The following DRC3 variants were observed in gnomAD, a reference collection of about 807,000 sequenced individuals.
DRC3 encodes dynein regulatory complex subunit 3.
Under a neutral mutation model 57.6 loss-of-function variants are expected in DRC3, and 45 were observed. The ratio of observed to expected loss-of-function variants is 0.78; its 90% CI spans 0.62 to 1.00. The LOEUF (loss-of-function observed/expected upper bound fraction) is 1.00, where lower values mean the gene tolerates loss of function less well. Among genes scored for constraint, DRC3 ranks in the 50% least tolerant of loss-of-function variants. The pLI, the probability that DRC3 is intolerant of heterozygous loss-of-function variation, is 0.00. For missense variants in DRC3, 655 were observed against 675.2 expected, an observed-to-expected ratio of 0.97 and a Z score of 0.33; for synonymous variants, 257 against 272.3, an observed-to-expected ratio of 0.94 and a Z score of 0.55.
At chr17:17,985,020 G>A (rs144047485) in intron 4 of DRC3, among the ~76,000 whole-genome samples, 2 of 152,266 alleles carry the variant, frequency 1.3e-5, no homozygotes, top group African/African-American at 2.4e-5. Context: ...CCTGGGCCCA[G>A]GTCTCTTGTC....
intron 12 of DRC3, 34 bp from the exon 13 acceptor site, chr17:18,016,030 C>G (rs2044348990): frequency 1.9e-6 from 3 of 1,610,054 alleles, no homozygotes; most frequent in Non-Finnish European, 2.5e-6. Context: ...TATAATGACA[C>G]ACACTTTCTC....
intron 11 of DRC3, 115 bp from the exon 12 acceptor site, chr17:18,006,909 A>C: frequency 6.7e-7 from 1 of 1,486,910 alleles, no homozygotes; most frequent in Non-Finnish European, 9.0e-7. Context: ...CGGTGCTGCC[A>C]GCCAGAATTT....
chr17:18,016,835 G>A lies in DRC3; in HGVS notation c.*164G>A. 7 of 459,432 alleles carry A rather than the reference G, an allele frequency of 1.5e-5. No homozygotes were observed. The highest frequency in any genetic ancestry group is 3.3e-5 in the South Asian group (1 of 30,020). 28.5% of individuals were successfully genotyped at this position (459,432 alleles called of 1,614,324 possible). ...ACCCCTGGAAAAACTTCCAAAAGTAGAGAAAATAAAGGACTCATTTCACAT... is the reference window on the plus strand; with the variant it reads ...ACCCCTGGAAAAACTTCCAAAAGTAAAGAAAATAAAGGACTCATTTCACAT... On this transcript the variant is annotated 3_prime_UTR_variant, in exon 14 of 14. Transcript: ENST00000399187.
rs1161202087 is a variant in DRC3, at chr17:18,008,746, C to T, written c.1326+1599C>T. On this transcript the variant is annotated intron_variant, in intron 12 of 13. Coordinates refer to ENST00000399187, the MANE Select transcript of DRC3 (RefSeq NM_031294.4). The surrounding 1 kb of genome is among the most constrained non-coding windows in gnomAD (Gnocchi z 4.3). ...CCAGACACAGGAAAACACCACCTTC[C>T]CTGTGAAGTAAGGCTGTCCCTGAGT... 6.6e-6 allele frequency among the ~76,000 whole-genome samples: 1 copy of T among 152,234 alleles called. No individual in the cohort carries two copies. Among genetic ancestry groups the T allele is most frequent in the Non-Finnish European group, 1.5e-5 (1 of 68,044 alleles).
intron 3 of DRC3, among the ~76,000 whole-genome samples, chr17:17,979,653 T>C (rs2042559061): frequency 6.6e-6 from 1 of 152,196 alleles, no homozygotes; most frequent in Non-Finnish European, 1.5e-5. Flanking sequence ...AAAGCCGGCA[T>C]GCTGGCGTGT....
At chr17:18,011,365 C>G (rs1271128428) in intron 12 of DRC3, 1 of 333,704 alleles carries the variant, frequency 3.0e-6, no homozygotes, top group Non-Finnish European at 5.8e-6. Flanking sequence ...CCGTGTCACT[C>G]TGGGTGTTAA....
Position 17,977,628 on chromosome 17 carries a change from G to C in DRC3, c.30G>C (p.Pro10=). Residue 10 remains proline (P), a synonymous_variant, in exon 3 of 14, where the codon CCG becomes CCC. Coordinates refer to ENST00000399187, the MANE Select transcript of DRC3 (RefSeq NM_031294.4). The part of the protein sequence containing the change: MNQPCNSME[P]RVMDDDMLKL... ...ACCAGCCGTGCAACTCGATGGAGCC[G>C]AGGGTGATGGACGATGACATGCTCA... The C allele has an allele frequency of 6.2e-7, 1 of 1,613,990 alleles. No homozygotes were observed. Among genetic ancestry groups the C allele is most frequent in the Non-Finnish European group, 8.5e-7 (1 of 1,179,892 alleles).
At chr17:17,984,556 AG>A (rs2042869992) in intron 4 of DRC3, among the ~76,000 whole-genome samples, 1 of 152,146 alleles carries the variant, frequency 6.6e-6, no homozygotes, top group Non-Finnish European at 1.5e-5. Flanking sequence ...ATGGGTCCCT[AG>A]CAGGGAGAAG....
chr17:18,005,941 A>G (rs1001786352), intron 10 of DRC3: 2 of 510,372 alleles, frequency 3.9e-6, no homozygotes, highest in Non-Finnish European at 7.1e-6. Context: ...TGTTCCTGGC[A>G]AAGTTCCGGT....
intron 8 of DRC3, among the ~76,000 whole-genome samples, chr17:17,996,763 G>A (rs1418448174): frequency 1.3e-5 from 2 of 152,220 alleles, no homozygotes; most frequent in Non-Finnish European, 1.5e-5. Flanking sequence ...CTGTAGCCCT[G>A]TGTAGCCGTG....
rs374298561 is a variant in DRC3 at position 17,988,012 on chromosome 17, C to G, written c.358C>G (p.Arg120Gly). The change falls in exon 5 of 14, where the codon CGG (arginine) becomes GGG (glycine). Residue 120 changes from arginine to glycine, a missense_variant. Arg to Gly is a moderately radical substitution (Grantham distance 125). Transcript: ENST00000399187. ...NLEDLSLFNN[R>G]ISKIDSLDAL... The stretch of plus-strand genomic sequence containing the variant: ...GGAGGACCTGAGCTTGTTCAACAAC[C>G]GGATCTCCAAGATCGACTCCCTGGA... 1 of 1,614,012 alleles carries G rather than the reference C, an allele frequency of 6.2e-7. No individual in the cohort carries two copies. Among genetic ancestry groups the G allele is most frequent in the African/African-American group, 1.3e-5 (1 of 75,034 alleles).
chr17:18,007,297 C>A, intron 12 of DRC3, 150 bp downstream of exon 12: 1 of 1,220,870 alleles, frequency 8.2e-7, no homozygotes, highest in Non-Finnish European at 1.2e-6. Flanking sequence ...TACAGGGTTG[C>A]TGGCAGATAA....
Position 18,004,500 on chromosome 17 carries a change from G to A in DRC3, c.1131+6G>A. The A allele has an allele frequency of 6.2e-7, 1 of 1,608,658 alleles. No individual in the cohort carries two copies. Among genetic ancestry groups the A allele is most frequent in the South Asian group, 1.1e-5 (1 of 89,666 alleles). The stretch of plus-strand genomic sequence containing the variant: ...AGCTGGTGGAGCAGCTGGAGGTAAG[G>A]CTGGGCCCTGGGCACAAGTGCCAGA... On this transcript the variant is annotated splice_donor_region_variant and intron_variant, in intron 10 of 13. Coordinates refer to ENST00000399187, the MANE Select transcript of DRC3 (RefSeq NM_031294.4).
intron 2 of DRC3, 97 bp from the exon 3 acceptor site, chr17:17,977,485 A>T (rs1376164779): frequency 1.5e-5 from 20 of 1,360,070 alleles, no homozygotes; most frequent in Non-Finnish European, 2.1e-5. Context: ...TCAGAGTGCC[A>T]GTGGCCACAA....
rs754925749 is a variant in DRC3 at position 17,977,664 on chromosome 17, C to T, written c.66C>T (p.Val22=). 7 of 1,613,806 alleles carry T rather than the reference C, an allele frequency of 4.3e-6. No individual in the cohort carries two copies. The highest frequency in any genetic ancestry group is 4.5e-5 in the East Asian group (2 of 44,884). ...ACGATGACATGCTCAAGCTGGCCGT[C>T]GGGGACCAGGGCCCCCAGGAGGAGG... The part of the protein sequence containing the change: ...VMDDDMLKLA[V]GDQGPQEEAG... Residue 22 remains valine (V), a synonymous_variant, in exon 3 of 14, where the codon GTC becomes GTT. Transcript: ENST00000399187.
At chr17:18,001,750 G>C (rs990787297) in intron 9 of DRC3, among the ~76,000 whole-genome samples, 2 of 152,082 alleles carry the variant, frequency 1.3e-5, no homozygotes, top group Admixed American at 1.3e-4. Flanking sequence ...GGGCAACATA[G>C]TAAGACCCCA....
intron 12 of DRC3, among the ~76,000 whole-genome samples, chr17:18,013,969 G>A (rs2044262966): frequency 8.1e-6 from 1 of 124,128 alleles, no homozygotes; most frequent in Non-Finnish European, 1.7e-5. Context: ...TTTCACTGTT[G>A]TTGCCCAGGC....
At chr17:18,006,832 T>G (rs2043970106) in intron 11 of DRC3, 192 bp from the exon 12 acceptor site, 1 of 761,574 alleles carries the variant, frequency 1.3e-6, no homozygotes, top group Admixed American at 3.0e-5. Flanking sequence ...GGGCCGAGGG[T>G]CCGTCCGAGG....
chr17:17,976,779 G>A (rs1247923920), intron 2 of DRC3, among the ~76,000 whole-genome samples: 2 of 152,186 alleles, frequency 1.3e-5, no homozygotes, highest in African/African-American at 4.8e-5. Context: ...CTGGACCTAG[G>A]GACATTAGGG....
Sources: gnomAD v4.1 joint callset for allele counts (sites outside exome capture counted in the v4.1 genomes callset) on GRCh38, gnomAD v4.1.1 for gene constraint, Gnocchi (gnomAD v3.1) non-coding constraint, MANE v1.5 for transcripts, NCBI Gene and HGNC (gene_info 2026-07-23, HGNC 2026-07-21) for gene names.